ANKRD6: variants seen among roughly 807,000 people sequenced by gnomAD.
ANKRD6 encodes ankyrin repeat domain-containing protein 6.
In ANKRD6, 56 loss-of-function variants were observed where a neutral mutation model predicts 82.3. That is an observed-to-expected ratio of 0.68 (90% confidence interval 0.55 to 0.85). The LOEUF (loss-of-function observed/expected upper bound fraction) is 0.85. Among genes scored for constraint, ANKRD6 ranks in the 40% least tolerant of loss-of-function variants. The pLI is 0.00. For missense variants in ANKRD6, 852 were observed against 907.6 expected, an observed-to-expected ratio of 0.94 and a Z score of 0.79; for synonymous variants, 347 against 352.1, an observed-to-expected ratio of 0.99 and a Z score of 0.16.
At chr6:89,506,781 G>T (rs183929136) in intron 1 of ANKRD6, among the ~76,000 whole-genome samples, 57 of 152,288 alleles carry the variant, frequency 3.7e-4, no homozygotes, top group Non-Finnish European at 6.2e-4. Flanking sequence ...TAGTTGGTTC[G>T]CATCCCGATC....
chr6:89,465,557 T>C (rs971689284), intron 1 of ANKRD6, among the ~76,000 whole-genome samples: 25 of 152,074 alleles, frequency 1.6e-4, no homozygotes, highest in African/African-American at 5.8e-4. Context: ...TGCCCCAGTT[T>C]CCTCTGTTTA....
rs1781375231 is a variant in ANKRD6, at chr6:89,517,544, T to TA, written c.-143-49289dup. 2.6e-5 allele frequency among the ~76,000 whole-genome samples: 4 copies of TA among 152,366 alleles called. No individual in the cohort carries two copies. The South Asian group carries it at 8.3e-4, about 32-fold the overall frequency. On this transcript the variant is annotated intron_variant, in intron 1 of 15. Transcript: ENST00000339746. The stretch of plus-strand genomic sequence containing the variant: ...ATAATGTCGAAAGAAGTTGTTGAGA[T>TA]ACTTGTTAAAAACATAAGAGTGGGG...
chr6:89,585,265 G>A (rs1433541855), intron 2 of ANKRD6, among the ~76,000 whole-genome samples: 4 of 152,190 alleles, frequency 2.6e-5, no homozygotes, highest in African/African-American at 4.8e-5. Flanking sequence ...ATATTTGATG[G>A]TGAGAGACTG....
At chr6:89,571,144 C>T (rs1386535967) in intron 2 of ANKRD6, among the ~76,000 whole-genome samples, 2 of 152,094 alleles carry the variant, frequency 1.3e-5, no homozygotes, top group Admixed American at 6.6e-5. Context: ...CTCCACCTCC[C>T]GGGTTCACGC....
chr6:89,513,659 A>G (rs892440212), intron 1 of ANKRD6, among the ~76,000 whole-genome samples: 4 of 152,216 alleles, frequency 2.6e-5, no homozygotes, highest in Admixed American at 1.3e-4. Flanking sequence ...TCTGTATTTT[A>G]AATTTCATTT....
intron 1 of ANKRD6, chr6:89,508,826 A>G (rs1287328366): frequency 2.0e-5 from 3 of 152,170 alleles, no homozygotes; most frequent in Admixed American, 6.5e-5. Context: ...TTAAATTTGT[A>G]TTCCTGTTCC....
intron 3 of ANKRD6, 100 bp from the exon 4 acceptor site, chr6:89,602,928 TG>T: frequency 1.0e-6 from 1 of 956,980 alleles, no homozygotes; most frequent in Non-Finnish European, 1.6e-6. Context: ...CTGCTCTGTG[TG>T]GGGACGGGAG....
intron 1 of ANKRD6, among the ~76,000 whole-genome samples, chr6:89,445,840 A>T (rs977085658): frequency 6.6e-6 from 1 of 151,724 alleles, no homozygotes; most frequent in Admixed American, 6.6e-5. Flanking sequence ...TTGGCCTCCC[A>T]AAGTGCTAGG....
chr6:89,625,680 C>T (rs1805398624), intron 13 of ANKRD6, among the ~76,000 whole-genome samples: 1 of 151,282 alleles, frequency 6.6e-6, no homozygotes, highest in South Asian at 2.1e-4. Flanking sequence ...CCTGAGAAAA[C>T]GTTATCCAGC....
chr6:89,532,492 T>C (rs1228973058), intron 1 of ANKRD6, among the ~76,000 whole-genome samples: 2 of 152,190 alleles, frequency 1.3e-5, no homozygotes, highest in African/African-American at 2.4e-5. Context: ...CTCTGATATA[T>C]GTCACCAGAG....
At position 89,623,989 on chromosome 6, in the gene ANKRD6, C is replaced by T; in HGVS notation, c.1150C>T (p.Pro384Ser). The change falls in exon 12 of 16, where the codon CCA becomes TCA. Residue 384 changes from proline to serine, a missense_variant. By Grantham distance (74) the Pro-to-Ser change is moderately conservative. Transcript: ENST00000339746. ...CAGGCATCGGTGTTCATCCCCACCC[C>T]CACCCCATGAGTTCAGGGCGTATCA... ...RNRHRCSSPP[P>S]PHEFRAYQLY... is the part of the protein sequence containing the mutation. 6.2e-7 allele frequency: 1 copy of T among 1,613,158 alleles called. No homozygotes were observed. Among genetic ancestry groups the T allele is most frequent in the Non-Finnish European group, 8.5e-7 (1 of 1,179,564 alleles).
intron 2 of ANKRD6, among the ~76,000 whole-genome samples, chr6:89,571,948 C>T (rs1192740657): frequency 6.6e-6 from 1 of 152,224 alleles, no homozygotes; most frequent in African/African-American, 2.4e-5. Context: ...CACCCCAATC[C>T]CTGGCAACCA....
chr6:89,457,003 T>TG (rs916292370), intron 1 of ANKRD6, among the ~76,000 whole-genome samples: 1 of 152,108 alleles, frequency 6.6e-6, no homozygotes, highest in African/African-American at 2.4e-5. Flanking sequence ...ACATGCCAGG[T>TG]GGGGCTGCAG....
chr6:89,591,767 A>C (rs912261880), intron 2 of ANKRD6, among the ~76,000 whole-genome samples: 7 of 152,184 alleles, frequency 4.6e-5, no homozygotes. Context: ...GCCTTGTGCT[A>C]GGAAAGCCCC....
At chr6:89,571,091 G>A (rs1033756457) in intron 2 of ANKRD6, among the ~76,000 whole-genome samples, 5 of 152,134 alleles carry the variant, frequency 3.3e-5, no homozygotes, top group South Asian at 2.1e-4. Flanking sequence ...TCGCTCTGTC[G>A]CCCAGGCTGG....
chr6:89,628,821 T>G (rs1806605136), intron 14 of ANKRD6: 5 of 346,036 alleles, frequency 1.4e-5, no homozygotes, highest in Admixed American at 4.3e-5. Flanking sequence ...AAGAACTTAC[T>G]AACCGTGAGG....
chr6:89,470,231 T>C (rs766647766), intron 1 of ANKRD6, among the ~76,000 whole-genome samples: 2 of 152,230 alleles, frequency 1.3e-5, no homozygotes, highest in Non-Finnish European at 2.9e-5. Flanking sequence ...TTCAACATTA[T>C]ACTGGGTACA....
At chr6:89,554,287 C>G (rs1465006452) in intron 1 of ANKRD6, among the ~76,000 whole-genome samples, 2 of 152,146 alleles carry the variant, frequency 1.3e-5, no homozygotes, top group Non-Finnish European at 2.9e-5. Context: ...TCTGGTAGCT[C>G]CAGGGTTCCT....
At chr6:89,533,039 A>T (rs943249662) in intron 1 of ANKRD6, among the ~76,000 whole-genome samples, 2 of 151,816 alleles carry the variant, frequency 1.3e-5, no homozygotes, top group Non-Finnish European at 2.9e-5. Context: ...ATATTTGGCT[A>T]ATTTTTTTTT....
Sources: allele counts gnomAD v4.1 joint callset (sites outside exome capture counted in the v4.1 genomes callset), GRCh38; gene constraint gnomAD v4.1.1; transcripts MANE v1.5; gene names NCBI Gene and HGNC (gene_info 2026-07-23, HGNC 2026-07-21).